RPS6KA2: variants seen among roughly 807,000 people sequenced by gnomAD.
RPS6KA2 encodes ribosomal protein S6 kinase A2.
In RPS6KA2, 42 loss-of-function variants were observed where a neutral mutation model predicts 91.8. That is an observed-to-expected ratio of 0.46 (90% CI 0.36 to 0.59). The LOEUF is 0.59. Among genes scored for constraint, RPS6KA2 ranks in the 20% least tolerant of loss-of-function variants. RPS6KA2 has a pLI of 0.00. For synonymous variants in RPS6KA2, 414 were observed against 393.6 expected, an observed-to-expected ratio of 1.05 and a Z score of -0.61; for missense variants, 798 against 978.5, an observed-to-expected ratio of 0.82 and a Z score of 2.46.
At chr6:166,422,967 T>C (rs1778776968) in intron 17 of RPS6KA2, among the ~76,000 whole-genome samples, 1 of 152,164 alleles carries the variant, frequency 6.6e-6, no homozygotes, top group Non-Finnish European at 1.5e-5. Context: ...TTGGAATAAA[T>C]ATGCAGATTT....
chr6:166,619,495 C>T (rs991792329), intron 1 of RPS6KA2, among the ~76,000 whole-genome samples: 5 of 152,262 alleles, frequency 3.3e-5, no homozygotes, highest in African/African-American at 9.6e-5. Context: ...TAGTGTAGAA[C>T]GCAGCAGTCT....
chr6:166,797,141 C>G (rs1401177629), intron 2 of RPS6KA2, among the ~76,000 whole-genome samples: 1 of 152,134 alleles, frequency 6.6e-6, no homozygotes, highest in Admixed American at 6.5e-5. Flanking sequence ...TTCTCCAATC[C>G]CAGGCTCTGC....
chr6:166,507,817 A>G (rs888345410), intron 5 of RPS6KA2, among the ~76,000 whole-genome samples: 2 of 148,436 alleles, frequency 1.3e-5, no homozygotes, highest in African/African-American at 2.5e-5. Context: ...ACACATGCAC[A>G]CCCCACATGC....
chr6:166,649,856 G>A (rs1410765003), intron 2 of RPS6KA2, among the ~76,000 whole-genome samples: 1 of 152,158 alleles, frequency 6.6e-6, no homozygotes, highest in Non-Finnish European at 1.5e-5. Context: ...AGGACTGCAG[G>A]GCTGTCTTTC....
chr6:166,734,735 A>T (rs1490948066), intron 2 of RPS6KA2, among the ~76,000 whole-genome samples: 1 of 152,218 alleles, frequency 6.6e-6, no homozygotes, highest in Non-Finnish European at 1.5e-5. Flanking sequence ...TGAGGCTGGC[A>T]TACCTAAGAC....
Position 166,459,433 on chromosome 6 carries a change from C to A in RPS6KA2, c.1075+16G>T, listed in dbSNP as rs375194620. Reference sequence around the variant, plus strand: ...TGGGAGAAGCCACCGATAGAGGGAACCACTGTGGCACACACCTGTGGGCGT... The same window carrying A: ...TGGGAGAAGCCACCGATAGAGGGAAACACTGTGGCACACACCTGTGGGCGT... On this transcript the variant is annotated intron_variant, in intron 12 of 20. Coordinates refer to ENST00000265678, the MANE Select transcript of RPS6KA2 (RefSeq NM_021135.6). This position sits in a 1 kb window ranked among gnomAD's most constrained non-coding sequence, Gnocchi z 4.9. The A allele has an allele frequency of 9.5e-6, 15 of 1,583,860 alleles. No homozygotes were observed. The East Asian group carries it at 1.8e-4, about 19-fold the overall frequency.
In RPS6KA2 at chr6:166,563,073, C is replaced by T. The variant is rs1784390184; in HGVS notation, c.100-24289G>A. Reference sequence around the variant, plus strand: ...CTGAGTGTGGGAAACACAAGCTCTTCTAGCTTTTAGTCCTTGGAGTCCCTT... The same window carrying T: ...CTGAGTGTGGGAAACACAAGCTCTTTTAGCTTTTAGTCCTTGGAGTCCCTT... On this transcript the variant is annotated intron_variant, in intron 1 of 20. Coordinates refer to ENST00000265678, the MANE Select transcript of RPS6KA2 (RefSeq NM_021135.6). The surrounding 1 kb of genome is among the most constrained non-coding windows in gnomAD (Gnocchi z 4.1). 6.6e-6 allele frequency among the ~76,000 whole-genome samples: 1 copy of T among 152,234 alleles called. No individual in the cohort carries two copies. Among genetic ancestry groups the T allele is most frequent in the Non-Finnish European group, 1.5e-5 (1 of 68,048 alleles).
At chr6:166,611,557 C>T (rs975090077) in intron 1 of RPS6KA2, among the ~76,000 whole-genome samples, 15 of 152,218 alleles carry the variant, frequency 9.9e-5, no homozygotes, top group Non-Finnish European at 1.5e-5. Flanking sequence ...TGTGTCACAA[C>T]GCCTTTATCT....
At chr6:166,740,752 CA>C (rs1790789307) in intron 2 of RPS6KA2, among the ~76,000 whole-genome samples, 1 of 152,316 alleles carries the variant, frequency 6.6e-6, no homozygotes, top group South Asian at 2.1e-4. Context: ...GAAATATAAA[CA>C]AAGGGTATGA....
intron 2 of RPS6KA2, among the ~76,000 whole-genome samples, chr6:166,537,426 T>C (rs1218051692): frequency 6.6e-6 from 1 of 152,220 alleles, no homozygotes; most frequent in African/African-American, 2.4e-5. Context: ...GAAACTGAAA[T>C]CTTCATCCCC....
At chr6:166,597,495 G>A (rs1228015736) in intron 1 of RPS6KA2, among the ~76,000 whole-genome samples, 3 of 152,244 alleles carry the variant, frequency 2.0e-5, no homozygotes, top group Non-Finnish European at 2.9e-5. Flanking sequence ...AGGAGGAACT[G>A]GCTTCAGAAG....
At chr6:166,595,667 A>C (rs1056439108) in intron 1 of RPS6KA2, among the ~76,000 whole-genome samples, 1 of 152,254 alleles carries the variant, frequency 6.6e-6, no homozygotes, top group Non-Finnish European at 1.5e-5. Context: ...GAGTCAAACA[A>C]ACACATTTCA....
At chr6:166,511,024 G>T (rs1277222478) in intron 3 of RPS6KA2, among the ~76,000 whole-genome samples, 1 of 152,116 alleles carries the variant, frequency 6.6e-6, no homozygotes, top group African/African-American at 2.4e-5. Flanking sequence ...GTAAACTGGA[G>T]GCGTGATAAG....
chr6:166,838,993 A>T (rs4709133), intron 2 of RPS6KA2, among the ~76,000 whole-genome samples: 46,936 of 152,096 alleles, frequency 0.31, 7,448 homozygotes, highest in Admixed American at 0.35. Context: ...GCAAAGGAGT[A>T]CTGGCACCTC....
intron 1 of RPS6KA2, among the ~76,000 whole-genome samples, chr6:166,596,025 A>G (rs1415960492): frequency 2.0e-5 from 3 of 152,242 alleles, no homozygotes; most frequent in Non-Finnish European, 4.4e-5. Flanking sequence ...AGTCATTGGT[A>G]TCTTATCTCA....
chr6:166,747,349 T>C (rs1791052334), intron 2 of RPS6KA2, among the ~76,000 whole-genome samples: 1 of 152,178 alleles, frequency 6.6e-6, no homozygotes, highest in Non-Finnish European at 1.5e-5. Flanking sequence ...TATATGTATT[T>C]TGGTATCGCA....
At chr6:166,762,314 T>C (rs111274409) in intron 2 of RPS6KA2, among the ~76,000 whole-genome samples, 2,243 of 152,272 alleles carry the variant, frequency 0.015, 69 homozygotes, top group African/African-American at 0.052. Context: ...AGCTCAACCT[T>C]AGCACCGTTC....
At chr6:166,440,050 T>C (rs1245783131) in intron 14 of RPS6KA2, 1 of 152,260 alleles carries the variant, frequency 6.6e-6, no homozygotes, top group Non-Finnish European at 1.5e-5. Context: ...TTGGGGACAC[T>C]GGACTTTAGC....
At chr6:166,771,994 T>A (rs1012222944) in intron 2 of RPS6KA2, among the ~76,000 whole-genome samples, 1 of 152,184 alleles carries the variant, frequency 6.6e-6, no homozygotes, top group Admixed American at 6.5e-5. Context: ...GGCCGGTTTA[T>A]CGAGGTGAGA....
Sources: gnomAD v4.1 joint callset for allele counts (sites outside exome capture counted in the v4.1 genomes callset) on GRCh38, gnomAD v4.1.1 for gene constraint, Gnocchi (gnomAD v3.1) non-coding constraint, MANE v1.5 for transcripts, NCBI Gene and HGNC (gene_info 2026-07-23, HGNC 2026-07-21) for gene names.